Variants in WIPF3 observed in about 807,000 individuals in gnomAD.
The protein encoded by WIPF3 is WAS/WASL-interacting protein family member 3.
Under a neutral mutation model 38.9 loss-of-function variants are expected in WIPF3, and 33 were observed. The observed-to-expected ratio is 0.85, with a 90% CI of 0.64 to 1.14. WIPF3 has a LOEUF of 1.14. WIPF3 is among the 50% of genes most tolerant of loss of function. The probability of loss-of-function intolerance (pLI) is 0.00; values close to 1 mark genes in which losing one functional copy is unlikely to be tolerated. For missense variants in WIPF3, 711 were observed against 652.5 expected (o/e 1.09, Z -0.98); for synonymous variants, 324 against 269.3 (o/e 1.20, Z -1.99).
At position 29,883,885 on chromosome 7, in the gene WIPF3, C is replaced by T; in HGVS notation, c.391C>T (p.Pro131Ser). Residue 131 changes from proline (P) to serine (S), a missense_variant, in exon 5 of 9, where the codon CCC becomes TCC. Coordinates refer to ENST00000242140, the MANE Select transcript of WIPF3 (RefSeq NM_001080529.3). ...AGGGCAGGGCCCTGGCTCCCGCGCG[C>T]CCTCTCCCAGGCTTCCCAACAAAAC... ...KTGQGPGSRA[P>S]SPRLPNKTIS... 3 of 1,574,088 alleles carry T rather than the reference C, an allele frequency of 1.9e-6. No homozygotes were observed. Among genetic ancestry groups the T allele is most frequent in the Non-Finnish European group, 2.6e-6 (3 of 1,157,018 alleles).
intron 6 of WIPF3, 144 bp downstream of exon 6, chr7:29,888,361 C>T: frequency 9.2e-7 from 1 of 1,082,764 alleles, no homozygotes; most frequent in South Asian, 1.6e-5. Flanking sequence ...CCAGCACCAA[C>T]CAGCCCATAG....
intron 2 of WIPF3, among the ~76,000 whole-genome samples, chr7:29,867,565 A>C (rs1476833380): frequency 1.2e-4 from 13 of 106,912 alleles, no homozygotes; most frequent in South Asian, 1.0e-3. Context: ...TCCACACCCC[A>C]GCTTTTTTTT....
intron 8 of WIPF3, among the ~76,000 whole-genome samples, chr7:29,910,593 A>G (rs915299318): frequency 4.6e-5 from 7 of 152,324 alleles, no homozygotes; most frequent in South Asian, 2.1e-4. Context: ...TTATTCCTGC[A>G]TGGCAAAGAT....
chr7:29,855,947 T>G (rs1785181375), intron 2 of WIPF3, among the ~76,000 whole-genome samples: 1 of 152,242 alleles, frequency 6.6e-6, no homozygotes, highest in Admixed American at 6.5e-5. Context: ...TATTTGTTGT[T>G]TATCTGAAAT....
At chr7:29,839,352 C>T (rs1784879115) in intron 2 of WIPF3, among the ~76,000 whole-genome samples, 1 of 152,162 alleles carries the variant, frequency 6.6e-6, no homozygotes, top group Non-Finnish European at 1.5e-5. Flanking sequence ...AAGCTAAAAC[C>T]ACTGGGTGAA....
intron 2 of WIPF3, among the ~76,000 whole-genome samples, chr7:29,837,578 C>T (rs1784826266): frequency 6.6e-6 from 1 of 152,156 alleles, no homozygotes; most frequent in Non-Finnish European, 1.5e-5. Context: ...TCATTTCTCT[C>T]TCTCTTTCTC....
chr7:29,899,110 A>G (rs923524419), intron 7 of WIPF3, among the ~76,000 whole-genome samples: 1 of 152,128 alleles, frequency 6.6e-6, no homozygotes, highest in African/African-American at 2.4e-5. Context: ...ACTTGGTGCC[A>G]CACAAGCTTC....
At position 29,916,506 on chromosome 7, in the gene WIPF3, G is replaced by C. The variant is rs1786617432; in HGVS notation, c.*1990G>C. 1.3e-5 allele frequency: 2 copies of C among 152,214 alleles called. No individual in the cohort carries two copies. Among genetic ancestry groups the C allele is most frequent in the African/African-American group, 4.8e-5 (2 of 41,434 alleles). The allele number at this position is 152,214 out of a possible 1,614,324, so 9.4% of individuals were successfully genotyped here. ...GAGGTGGGTGGATTACTTGAGGTTAGGAGTTCAAGACCAGCCTGGCCAACA... is the reference window on the plus strand; with the variant it reads ...GAGGTGGGTGGATTACTTGAGGTTACGAGTTCAAGACCAGCCTGGCCAACA... On this transcript the variant is annotated 3_prime_UTR_variant, in exon 9 of 9. Transcript: ENST00000242140.
chr7:29,818,536 T>C (rs931652230), intron 1 of WIPF3, among the ~76,000 whole-genome samples: 2 of 148,450 alleles, frequency 1.3e-5, no homozygotes, highest in Admixed American at 6.7e-5. Context: ...AATTATATAA[T>C]ATTATATATA....
intron 2 of WIPF3, among the ~76,000 whole-genome samples, chr7:29,839,255 T>A (rs1018916040): frequency 4.3e-4 from 65 of 152,182 alleles, no homozygotes; most frequent in Admixed American, 4.3e-3. Flanking sequence ...ACTGGACAAT[T>A]TAAAAGGTTA....
intron 2 of WIPF3, among the ~76,000 whole-genome samples, chr7:29,840,732 G>A (rs1784899890): frequency 6.6e-6 from 1 of 152,188 alleles, no homozygotes; most frequent in Non-Finnish European, 1.5e-5. Flanking sequence ...TTTTGCAGTA[G>A]GGGAGAGAGA....
intron 2 of WIPF3, among the ~76,000 whole-genome samples, chr7:29,860,248 A>G (rs1309251507): frequency 6.6e-6 from 1 of 152,138 alleles, no homozygotes; most frequent in Non-Finnish European, 1.5e-5. Flanking sequence ...CCACCTATAC[A>G]CCTACTATAG....
rs966323016 is a variant in WIPF3 at position 29,832,073 on chromosome 7, C to T, written c.-57-2595C>T. On this transcript the variant is annotated intron_variant, in intron 1 of 8. Transcript: ENST00000242140. The stretch of plus-strand genomic sequence containing the variant: ...TTCTTCCCCACCTTTTCCAGTTTTT[C>T]ACCAGGGGAAGCATTTCTGTCTCCT... Among the ~76,000 whole-genome samples, 4 of 152,242 alleles carry T rather than the reference C, an allele frequency of 2.6e-5. No individual in the cohort carries two copies. The South Asian group carries it at 8.3e-4, about 32-fold the overall frequency.
At chr7:29,861,772 C>CCT (rs890691484) in intron 2 of WIPF3, among the ~76,000 whole-genome samples, 4 of 152,084 alleles carry the variant, frequency 2.6e-5, no homozygotes, top group African/African-American at 9.7e-5. Flanking sequence ...GACATTTACC[C>CCT]CTCAGGGTTG....
intron 1 of WIPF3, among the ~76,000 whole-genome samples, chr7:29,829,035 T>G (rs530036260): frequency 6.6e-6 from 1 of 152,178 alleles, no homozygotes; most frequent in South Asian, 2.1e-4. Context: ...AAATCTCTGA[T>G]TATTTGCTGC....
Position 29,878,893 on chromosome 7 carries a change from G to T in WIPF3, c.224-116G>T. 8.1e-7 allele frequency: 1 copy of T among 1,237,056 alleles called. No individual in the cohort carries two copies. The highest frequency in any genetic ancestry group is 1.5e-5 in the South Asian group (1 of 67,134). 76.6% of individuals were successfully genotyped at this position (1,237,056 alleles called of 1,614,324 possible). ...TGAAAGGATGACATTGGAGGTGGGA[G>T]AATGGGAAGGCTGACAAGGGCAGTG... On this transcript the variant is annotated intron_variant, in intron 3 of 8. Transcript: ENST00000242140. This position sits in a 1 kb window ranked among gnomAD's most constrained non-coding sequence, Gnocchi z 4.0.
intron 1 of WIPF3, among the ~76,000 whole-genome samples, chr7:29,829,454 A>G (rs1486041326): frequency 6.6e-6 from 1 of 151,916 alleles, no homozygotes; most frequent in Non-Finnish European, 1.5e-5. Context: ...CCTGACCTCA[A>G]GTGATCCACC....
intron 3 of WIPF3, among the ~76,000 whole-genome samples, chr7:29,877,640 A>C (rs1785630184): frequency 3.3e-5 from 5 of 152,188 alleles, no homozygotes. Flanking sequence ...CAAACCACAG[A>C]TTGTCCACAT....
intron 2 of WIPF3, among the ~76,000 whole-genome samples, chr7:29,840,614 G>A (rs1468055981): frequency 6.6e-6 from 1 of 152,170 alleles, no homozygotes; most frequent in Non-Finnish European, 1.5e-5. Context: ...TTTATAATCA[G>A]TGTTCAGGAC....
Sources: allele counts gnomAD v4.1 joint callset (sites outside exome capture counted in the v4.1 genomes callset), GRCh38; gene constraint gnomAD v4.1.1; non-coding constraint Gnocchi (gnomAD v3.1); transcripts MANE v1.5; gene names NCBI Gene and HGNC (gene_info 2026-07-23, HGNC 2026-07-21).